GALNT17: variants seen among roughly 807,000 people sequenced by gnomAD.
GALNT17 encodes the protein polypeptide N-acetylgalactosaminyltransferase 17.
GALNT17 carries 29 observed loss-of-function variants against 63.7 expected under a neutral mutation model. The observed-to-expected ratio is 0.46, with a 90% CI of 0.34 to 0.62. The LOEUF (loss-of-function observed/expected upper bound fraction) is 0.62, where lower values mean the gene tolerates loss of function less well. Ranked by LOEUF, GALNT17 falls within the 20% of genes least tolerant of loss-of-function variation. GALNT17 has a pLI of 0.01. For missense variants in GALNT17, 603 were observed against 799.6 expected (o/e 0.75, Z 2.97); for synonymous variants, 305 against 318.3 (o/e 0.96, Z 0.45).
intron 1 of GALNT17, among the ~76,000 whole-genome samples, chr7:71,284,901 A>G (rs867984304): frequency 6.6e-6 from 1 of 150,688 alleles, no homozygotes; most frequent in Non-Finnish European, 1.5e-5. Context: ...TTTTTCTTCC[A>G]TAAGTGAGTT....
chr7:71,555,968 A>G (rs6977973), intron 5 of GALNT17, among the ~76,000 whole-genome samples: 52,852 of 152,144 alleles, frequency 0.35, 9,492 homozygotes, highest in African/African-American at 0.41. Context: ...GAAAATTAAC[A>G]TCTCCTTTGC....
chr7:71,242,240 A>AT (rs763751556), intron 1 of GALNT17, among the ~76,000 whole-genome samples: 78 of 122,700 alleles, frequency 6.4e-4, no homozygotes, highest in African/African-American at 2.2e-3. Context: ...TAGGGATCAC[A>AT]TTTCTTTTTT....
At chr7:71,654,064 G>A (rs1790792255) in intron 6 of GALNT17, among the ~76,000 whole-genome samples, 1 of 152,086 alleles carries the variant, frequency 6.6e-6, no homozygotes, top group South Asian at 2.1e-4. Flanking sequence ...CACCCAGGCT[G>A]GAGTGCAATG....
chr7:71,481,023 C>A (rs896366826), intron 5 of GALNT17, among the ~76,000 whole-genome samples: 2 of 152,360 alleles, frequency 1.3e-5, no homozygotes, highest in South Asian at 2.1e-4. Context: ...CCTGCACTGG[C>A]TGGCACCTCT....
chr7:71,488,530 T>G (rs1219652360), intron 5 of GALNT17, among the ~76,000 whole-genome samples: 1 of 149,722 alleles, frequency 6.7e-6, no homozygotes, highest in African/African-American at 2.5e-5. Context: ...CAATCCCAGC[T>G]CCACCCCCAG....
intron 1 of GALNT17, among the ~76,000 whole-genome samples, chr7:71,182,739 G>A (rs962547219): frequency 1.3e-5 from 2 of 151,986 alleles, no homozygotes; most frequent in Non-Finnish European, 2.9e-5. Flanking sequence ...AGAGCTGGCC[G>A]GCTCCAGCAG....
chr7:71,695,839 G>T (rs1791532403), intron 9 of GALNT17, among the ~76,000 whole-genome samples: 1 of 152,168 alleles, frequency 6.6e-6, no homozygotes, highest in African/African-American at 2.4e-5. Flanking sequence ...CTCCATGCCT[G>T]GGACTGGGTC....
chr7:71,214,010 C>T (rs1462674035), intron 1 of GALNT17, among the ~76,000 whole-genome samples: 1 of 152,220 alleles, frequency 6.6e-6, no homozygotes, highest in East Asian at 1.9e-4. Flanking sequence ...AGTTGTTACT[C>T]TTTCCTTCTT....
rs1460681645 is a variant in GALNT17, at chr7:71,492,338, A to G, written c.962+71233A>G. The stretch of plus-strand genomic sequence containing the variant: ...ATAAAATGGAGGCATGATTTGGAAT[A>G]GTGTTCATGTGTTCATGCCCAGTGA... On this transcript the variant is annotated intron_variant, in intron 5 of 10. Transcript: ENST00000333538. Among the ~76,000 whole-genome samples the G allele has an allele frequency of 2.0e-5, 3 of 152,188 alleles. No individual in the cohort carries two copies. The East Asian group carries it at 5.8e-4, about 29-fold the overall frequency.
intron 1 of GALNT17, among the ~76,000 whole-genome samples, chr7:71,178,168 A>T (rs1427503089): frequency 6.6e-6 from 1 of 152,124 alleles, no homozygotes; most frequent in African/African-American, 2.4e-5. Context: ...TTTTGAAGAA[A>T]GTTTTGCTAT....
intron 1 of GALNT17, among the ~76,000 whole-genome samples, chr7:71,198,876 A>G (rs1269604888): frequency 3.3e-5 from 5 of 152,226 alleles, no homozygotes; most frequent in Non-Finnish European, 5.9e-5. Context: ...GCCGTGGTTC[A>G]TAAACTTTAG....
chr7:71,679,638 G>A (rs141180186), intron 9 of GALNT17, among the ~76,000 whole-genome samples: 54 of 152,098 alleles, frequency 3.6e-4, no homozygotes, highest in Non-Finnish European at 6.8e-4. Flanking sequence ...CAGTTTGGCC[G>A]GAACTTTGAA....
At chr7:71,148,962 T>G (rs1335319199) in intron 1 of GALNT17, among the ~76,000 whole-genome samples, 1 of 150,852 alleles carries the variant, frequency 6.6e-6, no homozygotes, top group Non-Finnish European at 1.5e-5. Flanking sequence ...GACACAGTCT[T>G]GCTCTGTCGC....
chr7:71,373,572 A>G (rs1289250630), intron 2 of GALNT17, among the ~76,000 whole-genome samples: 1 of 152,082 alleles, frequency 6.6e-6, no homozygotes, highest in Non-Finnish European at 1.5e-5. Context: ...CTTCACCTGT[A>G]TTTACAGCTG....
intron 6 of GALNT17, among the ~76,000 whole-genome samples, chr7:71,614,014 T>A (rs2116957465): frequency 6.6e-6 from 1 of 152,190 alleles, no homozygotes; most frequent in South Asian, 2.1e-4. Flanking sequence ...TTGTTTCAGA[T>A]CTGGATCACT....
chr7:71,416,981 CAT>C (rs1786545097), intron 4 of GALNT17, among the ~76,000 whole-genome samples: 1 of 152,130 alleles, frequency 6.6e-6, no homozygotes. Context: ...ATGCCAGAAT[CAT>C]GTTAAAATTG....
At chr7:71,629,504 T>C (rs1258365380) in intron 6 of GALNT17, among the ~76,000 whole-genome samples, 1 of 152,196 alleles carries the variant, frequency 6.6e-6, no homozygotes, top group Non-Finnish European at 1.5e-5. Flanking sequence ...CAGTTGTATT[T>C]TGAGACAGGG....
At chr7:71,256,579 TAAAAACCAAA>T (rs370524568) in intron 1 of GALNT17, among the ~76,000 whole-genome samples, 2,091 of 151,880 alleles carry the variant, frequency 0.014, 46 homozygotes, top group African/African-American at 0.048. Flanking sequence ...CTCAAAAAAA[TAAAAACCAAA>T]AACCAAAAAC....
Position 71,252,932 on chromosome 7 carries a change from A to T in GALNT17, c.239-82618A>T, listed in dbSNP as rs117784606. 2.3e-3 allele frequency among the ~76,000 whole-genome samples: 348 copies of T among 152,304 alleles called. 1 individual carries two copies. The highest frequency in any genetic ancestry group is 3.7e-3 in the Non-Finnish European group (249 of 68,034). On this transcript the variant is annotated intron_variant, in intron 1 of 10. Coordinates refer to ENST00000333538, the MANE Select transcript of GALNT17 (RefSeq NM_022479.3). ...CAATGTAAATTAACAGTTTATCTTC[A>T]CAGGTATGGGACAAAGGACAGATTT...
Sources: gnomAD v4.1 joint callset for allele counts (sites outside exome capture counted in the v4.1 genomes callset) on GRCh38, gnomAD v4.1.1 for gene constraint, MANE v1.5 for transcripts, NCBI Gene and HGNC (gene_info 2026-07-23, HGNC 2026-07-21) for gene names.